Variants in CENPU observed in about 807,000 individuals in gnomAD.
The protein encoded by CENPU is KSHV latent nuclear antigen interacting protein 1.
In CENPU, 46 loss-of-function variants were observed where a neutral mutation model predicts 56.7. The ratio of observed to expected loss-of-function variants is 0.81; its 90% CI spans 0.64 to 1.04. CENPU has a LOEUF of 1.04. Among genes scored for constraint, CENPU ranks in the 50% least tolerant of loss-of-function variants. The pLI, the probability that CENPU is intolerant of heterozygous loss-of-function variation, is 0.00. For synonymous variants in CENPU, 166 were observed against 163.0 expected, an observed-to-expected ratio of 1.02 and a Z score of -0.14; for missense variants, 510 against 490.1, an observed-to-expected ratio of 1.04 and a Z score of -0.38.
rs772838029 is a variant in CENPU, at chr4:184,734,025, C to A, written c.38G>T (p.Arg13Met). 8.8e-6 allele frequency: 14 copies of A among 1,598,686 alleles called. No homozygotes were observed. In the African/African-American group the frequency reaches 1.7e-4, roughly 20 times the overall value. Reference protein sequence around the residue: ...PRGRRRPRPHRSEGARRSKNT... With the variant: ...PRGRRRPRPHMSEGARRSKNT... ...GGTCGGCAGTACTTACCCCTCAGAC[C>A]TGTGAGGCCGCGGCCGCCGCCGCCC... The change falls in exon 1 of 13, where the codon AGG (arginine) becomes ATG (methionine). Residue 13 changes from arginine (R) to methionine (M), a missense_variant. Transcript: ENST00000281453.
chr4:184,734,039 C>G lies in CENPU; in HGVS notation c.24G>C (p.Arg8=). MAPRGRR[R]PRPHRSEGAR... Reference sequence around the variant, plus strand: ...ACCCCTCAGACCTGTGAGGCCGCGGCCGCCGCCGCCCCCGCGGGGCCATGG... The same window carrying G: ...ACCCCTCAGACCTGTGAGGCCGCGGGCGCCGCCGCCCCCGCGGGGCCATGG... Residue 8 remains arginine, a synonymous_variant, in exon 1 of 13, where the codon CGG becomes CGC. Coordinates refer to ENST00000281453, the MANE Select transcript of CENPU (RefSeq NM_024629.4). 1.3e-6 allele frequency: 2 copies of G among 1,575,566 alleles called. No individual in the cohort carries two copies. The highest frequency in any genetic ancestry group is 1.7e-6 in the Non-Finnish European group (2 of 1,162,548).
At chr4:184,728,347 G>A (rs1019287553) in intron 3 of CENPU, among the ~76,000 whole-genome samples, 7 of 152,228 alleles carry the variant, frequency 4.6e-5, no homozygotes, top group Admixed American at 4.6e-4. Context: ...CAGCAAAAAT[G>A]CCTGACTACT....
chr4:184,702,492 TG>T, intron 8 of CENPU, 51 bp from the exon 9 acceptor site: 1 of 1,356,864 alleles, frequency 7.4e-7, no homozygotes, highest in Non-Finnish European at 1.0e-6. Context: ...TTTTGAAAGG[TG>T]TTTCATTTGC....
intron 8 of CENPU, among the ~76,000 whole-genome samples, chr4:184,706,673 T>C (rs1760739658): frequency 6.6e-6 from 1 of 152,238 alleles, no homozygotes; most frequent in South Asian, 2.1e-4. Context: ...TAAACAGTTG[T>C]TGACTTAATT....
chr4:184,705,602 T>C (rs1760700737), intron 8 of CENPU, among the ~76,000 whole-genome samples: 1 of 152,244 alleles, frequency 6.6e-6, no homozygotes, highest in Admixed American at 6.5e-5. Flanking sequence ...TGTAACTTGT[T>C]ATTACACATT....
At chr4:184,732,618 T>TGG (rs11439969) in intron 1 of CENPU, among the ~76,000 whole-genome samples, 15 of 151,446 alleles carry the variant, frequency 9.9e-5, no homozygotes, top group East Asian at 1.9e-4. Flanking sequence ...TGTCCTTTCT[T>TGG]GGGGGGGAAA....
At position 184,694,202 on chromosome 4, in the gene CENPU, G is replaced by C; in HGVS notation, c.*1086C>G. On this transcript the variant is annotated 3_prime_UTR_variant, in exon 13 of 13. Transcript: ENST00000281453. ...AGATAGCAAATTTATCTTCTGATTTGTCTTCAGCTGGACTGTCCACTTGTT... is the reference window on the plus strand; with the variant it reads ...AGATAGCAAATTTATCTTCTGATTTCTCTTCAGCTGGACTGTCCACTTGTT... 5 of 1,051,884 alleles carry C rather than the reference G, an allele frequency of 4.8e-6. No homozygotes were observed. Among genetic ancestry groups the C allele is most frequent in the Non-Finnish European group, 5.7e-6 (5 of 871,670 alleles). 65.2% of individuals were successfully genotyped at this position (1,051,884 alleles called of 1,614,324 possible).
rs75964856 is a variant in CENPU, at chr4:184,719,276, C to T, written c.321-2080G>A. ...AAGAGGGTAGGAAAGAGTCTACAAT[C>T]GCTGATACCACCCCTTCCCCATCTC... On this transcript the variant is annotated intron_variant, in intron 4 of 12. Coordinates refer to ENST00000281453, the MANE Select transcript of CENPU (RefSeq NM_024629.4). Among the ~76,000 whole-genome samples, 561 of 152,322 alleles carry T rather than the reference C, an allele frequency of 3.7e-3. 6 individuals carry two copies. Among genetic ancestry groups the T allele is most frequent in the African/African-American group, 0.013 (541 of 41,564 alleles).
At chr4:184,701,064 T>C (rs1760518691) in intron 10 of CENPU, among the ~76,000 whole-genome samples, 183 bp from the exon 11 acceptor site, 1 of 152,090 alleles carries the variant, frequency 6.6e-6, no homozygotes, top group Non-Finnish European at 1.5e-5. Context: ...GCTTGTGATA[T>C]GTAGGAAAAG....
At chr4:184,731,059 C>CAAAA in intron 1 of CENPU, 91 bp from the exon 2 acceptor site, 1 of 681,466 alleles carries the variant, frequency 1.5e-6, no homozygotes. Flanking sequence ...GCATTTTTAC[C>CAAAA]AAAAAAAAAA....
At position 184,694,958 on chromosome 4, in the gene CENPU, G is replaced by T. The variant is rs924717350; in HGVS notation, c.*330C>A. The T allele has an allele frequency of 2.6e-5, 15 of 580,358 alleles. No homozygotes were observed. In the African/African-American group the frequency reaches 2.8e-4, roughly 11 times the overall value. The allele number at this position is 580,358 out of a possible 1,614,324, so 36.0% of individuals were successfully genotyped here. The stretch of plus-strand genomic sequence containing the variant: ...AAAATTAGCTTTGGTGTAAATTCAG[G>T]AGAAATCGCCTTATTAATTAATCAA... On this transcript the variant is annotated 3_prime_UTR_variant, in exon 13 of 13. Coordinates refer to ENST00000281453, the MANE Select transcript of CENPU (RefSeq NM_024629.4).
At chr4:184,733,162 T>G in intron 1 of CENPU, 2 of 183,380 alleles carry the variant, frequency 1.1e-5, no homozygotes, top group Non-Finnish European at 2.1e-5. Flanking sequence ...AAGGCTGACA[T>G]TCTCTTCTAA....
At chr4:184,732,023 A>G (rs890160356) in intron 1 of CENPU, among the ~76,000 whole-genome samples, 8 of 152,136 alleles carry the variant, frequency 5.3e-5, no homozygotes, top group Non-Finnish European at 1.5e-5. Context: ...TAACACTGAT[A>G]CCATAATCTA....
At chr4:184,715,944 T>G (rs1335161231) in intron 6 of CENPU, among the ~76,000 whole-genome samples, 1 of 151,760 alleles carries the variant, frequency 6.6e-6, no homozygotes, top group Non-Finnish European at 1.5e-5. Flanking sequence ...TTTGTTTTTT[T>G]TTTTTTAAGA....
intron 4 of CENPU, among the ~76,000 whole-genome samples, chr4:184,723,576 G>A (rs942744977): frequency 1.4e-4 from 21 of 152,154 alleles, no homozygotes; most frequent in African/African-American, 5.1e-4. Context: ...AGGCACGGTG[G>A]CTAACGCCTG....
intron 10 of CENPU, among the ~76,000 whole-genome samples, chr4:184,701,851 A>T (rs748860200): frequency 2.6e-5 from 4 of 152,318 alleles, no homozygotes; most frequent in South Asian, 2.1e-4. Flanking sequence ...TTTAATTATA[A>T]AAACAATTAT....
intron 12 of CENPU, 69 bp downstream of exon 12, chr4:184,697,578 T>C: frequency 1.4e-6 from 2 of 1,430,770 alleles, no homozygotes; most frequent in African/African-American, 1.4e-5. Context: ...AAGCTTCTGA[T>C]ACTCTAGCAT....
chr4:184,708,927 C>T (rs957475280), intron 8 of CENPU, among the ~76,000 whole-genome samples: 3 of 152,036 alleles, frequency 2.0e-5, no homozygotes, highest in Admixed American at 2.0e-4. Flanking sequence ...AGGGGAAATT[C>T]TATCTACCTT....
chr4:184,716,338 T>TC, intron 6 of CENPU, 59 bp downstream of exon 6: 2 of 1,066,942 alleles, frequency 1.9e-6, no homozygotes, highest in Non-Finnish European at 2.8e-6. Context: ...TTCATTTTCT[T>TC]CCCCAAAATT....
Sources: allele counts gnomAD v4.1 joint callset (sites outside exome capture counted in the v4.1 genomes callset), GRCh38; gene constraint gnomAD v4.1.1; transcripts MANE v1.5; gene names NCBI Gene and HGNC (gene_info 2026-07-23, HGNC 2026-07-21).